PHC2: variants seen among roughly 807,000 people sequenced by gnomAD.
PHC2 encodes polyhomeotic homolog 2.
PHC2 carries 29 observed loss-of-function variants against 87.4 expected under a neutral mutation model. The ratio of observed to expected loss-of-function variants is 0.33; its 90% confidence interval spans 0.25 to 0.45. The LOEUF (loss-of-function observed/expected upper bound fraction) is 0.45, where lower values mean the gene tolerates loss of function less well. Ranked by LOEUF, PHC2 falls within the 20% of genes least tolerant of loss-of-function variation. The probability of loss-of-function intolerance (pLI) is 1.00; values close to 1 mark genes in which losing one functional copy is unlikely to be tolerated. For missense variants in PHC2, 857 were observed against 1,136.7 expected (o/e 0.75, Z 3.54); for synonymous variants, 438 against 461.7 (o/e 0.95, Z 0.66).
At chr1:33,404,462 A>T (rs898468442) in intron 1 of PHC2, among the ~76,000 whole-genome samples, 1 of 152,234 alleles carries the variant, frequency 6.6e-6, no homozygotes, top group East Asian at 1.9e-4. Flanking sequence ...CCAAAACACA[A>T]CAGCAATACT....
chr1:33,410,314 T>G (rs928077529), intron 1 of PHC2, among the ~76,000 whole-genome samples: 1 of 152,184 alleles, frequency 6.6e-6, no homozygotes, highest in African/African-American at 2.4e-5. Context: ...TGTGAATGAC[T>G]CTCTCAGGGA....
At chr1:33,342,392 C>T (rs939062849) in intron 9 of PHC2, among the ~76,000 whole-genome samples, 2 of 152,208 alleles carry the variant, frequency 1.3e-5, no homozygotes, top group Admixed American at 6.5e-5. Context: ...GCAAAGAGAA[C>T]GGCCCTTCTG....
chr1:33,393,674 GT>G (rs1023272712), intron 1 of PHC2, among the ~76,000 whole-genome samples: 1 of 17,090 alleles, frequency 5.9e-5, no homozygotes, highest in Non-Finnish European at 1.1e-4. Flanking sequence ...TGCTGTCATT[GT>G]TGTTATTGAC....
intron 1 of PHC2, chr1:33,392,732 A>G (rs1242526877): frequency 6.6e-6 from 1 of 151,922 alleles, no homozygotes; most frequent in Non-Finnish European, 1.5e-5. Context: ...AGATCATCCC[A>G]TTTATCTGTC....
intron 1 of PHC2, among the ~76,000 whole-genome samples, chr1:33,389,460 C>A (rs1454391411): frequency 2.0e-5 from 3 of 152,104 alleles, no homozygotes; most frequent in Non-Finnish European, 4.4e-5. Flanking sequence ...TGGGACCGTT[C>A]CCTTTTGAAG....
At chr1:33,325,929 T>C (rs1438733130) in intron 14 of PHC2, 1 of 456,228 alleles carries the variant, frequency 2.2e-6, no homozygotes, top group Non-Finnish European at 4.4e-6. Flanking sequence ...TATATAGAAG[T>C]CTCATGGCCT....
chr1:33,367,058 T>A, intron 7 of PHC2, 58 bp downstream of exon 7: 1 of 1,442,282 alleles, frequency 6.9e-7, no homozygotes, highest in Non-Finnish European at 9.5e-7. Context: ...GAAAGTCTCC[T>A]CCTGACTCAC....
chr1:33,367,758 G>A (rs1647564297), intron 6 of PHC2, among the ~76,000 whole-genome samples: 1 of 152,184 alleles, frequency 6.6e-6, no homozygotes, highest in African/African-American at 2.4e-5. Flanking sequence ...TTCAGGATTG[G>A]ATGCACACCA....
intron 1 of PHC2, among the ~76,000 whole-genome samples, chr1:33,390,700 T>TC (rs1649006846): frequency 7.1e-6 from 1 of 140,430 alleles, no homozygotes; most frequent in African/African-American, 2.5e-5. Context: ...TTTTTTTTTT[T>TC]TCTCTGTAAA....
intron 7 of PHC2, among the ~76,000 whole-genome samples, chr1:33,356,910 G>A (rs989238130): frequency 8.6e-5 from 13 of 151,990 alleles, no homozygotes; most frequent in African/African-American, 2.4e-4. Flanking sequence ...GGCGGCGGCC[G>A]GGCGGGGGCT....
At chr1:33,395,978 T>A (rs907031488) in intron 1 of PHC2, among the ~76,000 whole-genome samples, 3 of 152,352 alleles carry the variant, frequency 2.0e-5, no homozygotes, top group Admixed American at 2.0e-4. Flanking sequence ...ACTGGACTTA[T>A]GTAGGACACG....
intron 1 of PHC2, among the ~76,000 whole-genome samples, chr1:33,384,411 A>G (rs1223813769): frequency 6.6e-6 from 1 of 152,258 alleles, no homozygotes; most frequent in Non-Finnish European, 1.5e-5. Flanking sequence ...CCCTGCAAAA[A>G]GGGGCTAGAA....
intron 1 of PHC2, among the ~76,000 whole-genome samples, chr1:33,417,729 T>C (rs2148400864): frequency 6.6e-6 from 1 of 152,200 alleles, no homozygotes; most frequent in African/African-American, 2.4e-5. Context: ...CAAGTAGATG[T>C]AAAAATTAAT....
intron 9 of PHC2, chr1:33,335,323 G>T (rs947648456): frequency 1.1e-5 from 11 of 985,254 alleles, no homozygotes; most frequent in Non-Finnish European, 1.3e-5. Flanking sequence ...ACCATCAACT[G>T]CCCCGTGAGC....
chr1:33,366,893 G>A (rs1647483193), intron 7 of PHC2, among the ~76,000 whole-genome samples: 1 of 152,214 alleles, frequency 6.6e-6, no homozygotes, highest in African/African-American at 2.4e-5. Context: ...AGTGCAGAAG[G>A]ACTCCTTTAT....
chr1:33,402,336 T>C (rs1409144114), intron 1 of PHC2, among the ~76,000 whole-genome samples: 1 of 152,096 alleles, frequency 6.6e-6, no homozygotes, highest in Admixed American at 6.6e-5. Context: ...ATGGAATGGG[T>C]AGGAGTAAAA....
Position 33,331,846 on chromosome 1 carries a change from A to C in PHC2, c.1892-384T>G. 3.5e-6 allele frequency: 1 copy of C among 288,994 alleles called. No homozygotes were observed. 17.9% of individuals were successfully genotyped at this position (288,994 alleles called of 1,614,324 possible). ...TATGCAGCTGGCTGCTGACCCAGTA[A>C]AAGACCTCAGGAGCCCACGCTCCTG... On this transcript the variant is annotated intron_variant, in intron 11 of 14. Transcript: ENST00000683057. The surrounding 1 kb of genome is among the most constrained non-coding windows in gnomAD (Gnocchi z 5.2).
rs938147277 is a variant in PHC2 at position 33,332,261 on chromosome 1, T to C, written c.1891+14A>G. On this transcript the variant is annotated intron_variant, in intron 11 of 14. Transcript: ENST00000683057. The surrounding 1 kb of genome is among the most constrained non-coding windows in gnomAD (Gnocchi z 4.2). ...CGCTGGGAGGCCGAGAGATTCAGGGTCTGAGATGCCCACCTTGCAGATAGG... is the reference window on the plus strand; with the variant it reads ...CGCTGGGAGGCCGAGAGATTCAGGGCCTGAGATGCCCACCTTGCAGATAGG... 1 of 1,613,908 alleles carries C rather than the reference T, an allele frequency of 6.2e-7. No individual in the cohort carries two copies. Among genetic ancestry groups the C allele is most frequent in the East Asian group, 2.2e-5 (1 of 44,874 alleles).
At chr1:33,336,697 C>T (rs1044271148) in intron 9 of PHC2, 3 of 152,222 alleles carry the variant, frequency 2.0e-5, no homozygotes, top group Non-Finnish European at 2.9e-5. Context: ...GAGGGACGGC[C>T]CTCCTCTACG....
Sources: gnomAD v4.1 joint callset for allele counts (sites outside exome capture counted in the v4.1 genomes callset) on GRCh38, gnomAD v4.1.1 for gene constraint, Gnocchi (gnomAD v3.1) non-coding constraint, MANE v1.5 for transcripts, NCBI Gene and HGNC (gene_info 2026-07-23, HGNC 2026-07-21) for gene names.